The following SLC16A2 variants were observed in gnomAD, a reference collection of about 807,000 sequenced individuals.
SLC16A2 encodes the protein monocarboxylate transporter 8.
A neutral mutation model predicts 27.2 loss-of-function variants in SLC16A2; 3 were observed. That is an observed-to-expected ratio of 0.11 (90% CI 0.05 to 0.28). The LOEUF (loss-of-function observed/expected upper bound fraction) is 0.28, where lower values mean the gene tolerates loss of function less well. Ranked by LOEUF, SLC16A2 falls within the 10% of genes least tolerant of loss-of-function variation. SLC16A2 has a pLI of 1.00. For missense variants in SLC16A2, 295 were observed against 458.5 expected (o/e 0.64, Z 3.26); for synonymous variants, 202 against 187.8 (o/e 1.08, Z -0.62).
At chrX:74,477,965 T>G (rs751879610) in intron 1 of SLC16A2, among the ~76,000 whole-genome samples, 2 of 112,140 alleles carry the variant, frequency 1.8e-5, no homozygotes, top group East Asian at 5.6e-4. Flanking sequence ...CATATTCTGT[T>G]GATTTGGGTT....
rs56991702 is a variant in SLC16A2 at position 74,427,813 on chromosome X, A to G, written c.430+5746A>G. On this transcript the variant is annotated intron_variant, in intron 1 of 5. Transcript: ENST00000587091. Reference sequence around the variant, plus strand: ...CATGCGCACGCGTGCACGCGCGCGCACACACACACACACACACACACACAC... The same window carrying G: ...CATGCGCACGCGTGCACGCGCGCGCGCACACACACACACACACACACACAC... Among the ~76,000 whole-genome samples, 811 of 45,712 alleles carry G rather than the reference A, an allele frequency of 0.018. 3 individuals carry two copies. The East Asian group carries it at 0.23, about 13-fold the overall frequency. The allele number at this position is 45,712 out of a possible 115,157, so 39.7% of individuals were successfully genotyped here. A position where few individuals can be genotyped will look rare whatever the true frequency, so the allele number is the denominator to read the frequency against.
At position 74,439,890 on chromosome X, in the gene SLC16A2, C is replaced by T. The variant is rs990607094; in HGVS notation, c.430+17823C>T. On this transcript the variant is annotated intron_variant, in intron 1 of 5. Coordinates refer to ENST00000587091, the MANE Select transcript of SLC16A2 (RefSeq NM_006517.5). ...GGTGAGACAAAAAGGAGAAAAGTTA[C>T]GCCCACTTTGAGGCCAACTAGAATT... is the stretch of plus-strand genomic sequence containing the variant. 3.6e-5 allele frequency among the ~76,000 whole-genome samples: 4 copies of T among 111,373 alleles called. No individual in the cohort carries two copies. The Admixed American group carries it at 3.8e-4, about 11-fold the overall frequency.
chrX:74,519,638 C>T (rs1290377509), intron 1 of SLC16A2, among the ~76,000 whole-genome samples: 2 of 100,007 alleles, frequency 2.0e-5, no homozygotes, highest in Admixed American at 2.2e-4. Flanking sequence ...ATGGTGTGAA[C>T]CCAGGAGGCG....
At chrX:74,424,216 G>A (rs1928363751) in intron 1 of SLC16A2, among the ~76,000 whole-genome samples, 1 of 111,227 alleles carries the variant, frequency 9.0e-6, no homozygotes, top group African/African-American at 3.3e-5. Context: ...TATAGGTCAG[G>A]AAGAAACAGA....
intron 1 of SLC16A2, among the ~76,000 whole-genome samples, chrX:74,440,181 G>T (rs758200234): frequency 1.8e-5 from 2 of 111,358 alleles, no homozygotes; most frequent in South Asian, 3.8e-4. Flanking sequence ...AGGGAGTAGG[G>T]TTATCATATC....
chrX:74,477,954 G>A (rs149410880), intron 1 of SLC16A2, among the ~76,000 whole-genome samples: 246 of 112,034 alleles, frequency 2.2e-3, no homozygotes, highest in Middle Eastern at 4.6e-3. Flanking sequence ...TGAAAAGAAC[G>A]CATATTCTGT....
At chrX:74,463,670 G>T (rs1929196286) in intron 1 of SLC16A2, among the ~76,000 whole-genome samples, 1 of 110,679 alleles carries the variant, frequency 9.0e-6, no homozygotes, top group African/African-American at 3.3e-5. Flanking sequence ...GGGACTACAG[G>T]CGCCTGCCAC....
chrX:74,460,669 G>T (rs1929121815), intron 1 of SLC16A2, among the ~76,000 whole-genome samples: 1 of 111,303 alleles, frequency 9.0e-6, no homozygotes, highest in Non-Finnish European at 1.9e-5. Context: ...TTTGTTTTTT[G>T]AGACGGAGTC....
intron 1 of SLC16A2, among the ~76,000 whole-genome samples, chrX:74,439,890 C>A (rs990607094): frequency 1.6e-4 from 18 of 111,428 alleles, no homozygotes; most frequent in African/African-American, 5.9e-4. Flanking sequence ...AGAAAAGTTA[C>A]GCCCACTTTG....
chrX:74,497,449 G>A (rs776663046), intron 1 of SLC16A2, among the ~76,000 whole-genome samples: 27 of 110,342 alleles, frequency 2.4e-4, no homozygotes, highest in Non-Finnish European at 4.3e-4. Context: ...TCTGGGGCTT[G>A]GAGGAGAGCT....
chrX:74,528,216 A>G (rs1930514433), intron 4 of SLC16A2, among the ~76,000 whole-genome samples: 1 of 111,252 alleles, frequency 9.0e-6, no homozygotes, highest in Non-Finnish European at 1.9e-5. Context: ...TGACCCTGGG[A>G]TGACCTGGCT....
intron 1 of SLC16A2, among the ~76,000 whole-genome samples, chrX:74,461,115 G>C (rs907708218): frequency 8.9e-6 from 1 of 111,850 alleles, no homozygotes; most frequent in Admixed American, 9.5e-5. Flanking sequence ...CCTTCTTATG[G>C]AAGATGTTTC....
chrX:74,432,253 G>T (rs964610435), intron 1 of SLC16A2, among the ~76,000 whole-genome samples: 2 of 111,130 alleles, frequency 1.8e-5, no homozygotes, highest in East Asian at 5.7e-4. Context: ...GGGATATTTA[G>T]GGTCAGAAGG....
At chrX:74,440,361 C>T (rs1456251272) in intron 1 of SLC16A2, among the ~76,000 whole-genome samples, 1 of 110,810 alleles carries the variant, frequency 9.0e-6, no homozygotes, top group Admixed American at 9.7e-5. Context: ...ACTATAAGGG[C>T]TCCTCACAAG....
At chrX:74,529,481 C>T (rs771176346) in intron 5 of SLC16A2, 40 bp downstream of exon 5, 5 of 1,011,208 alleles carry the variant, frequency 4.9e-6, no homozygotes, top group African/African-American at 1.9e-5. Flanking sequence ...ATCAGGGAGT[C>T]CTTTTTTCCC....
chrX:74,523,523 T>G (rs780325008), intron 2 of SLC16A2, among the ~76,000 whole-genome samples: 11 of 112,273 alleles, frequency 9.8e-5, no homozygotes, highest in Admixed American at 9.4e-4. Flanking sequence ...TCCTATTGCC[T>G]TTCCCCTTCT....
chrX:74,422,933 C>A (rs957872906), intron 1 of SLC16A2, among the ~76,000 whole-genome samples: 1 of 112,802 alleles, frequency 8.9e-6, no homozygotes, highest in Non-Finnish European at 1.9e-5. Context: ...CCTCGTTCGG[C>A]CTACAGCCTG....
At chrX:74,466,405 A>T (rs1929251391) in intron 1 of SLC16A2, among the ~76,000 whole-genome samples, 1 of 111,131 alleles carries the variant, frequency 9.0e-6, no homozygotes, top group South Asian at 3.9e-4. Context: ...GCAGACACCA[A>T]AATCCACAGA....
chrX:74,464,337 TTGTG>T (rs1929212359), intron 1 of SLC16A2, among the ~76,000 whole-genome samples: 1 of 112,148 alleles, frequency 8.9e-6, no homozygotes, highest in Non-Finnish European at 1.9e-5. Context: ...AATGTTGCAT[TTGTG>T]TGTCTCTTTG....
Sources: gnomAD v4.1 joint callset for allele counts (sites outside exome capture counted in the v4.1 genomes callset) on GRCh38, gnomAD v4.1.1 for gene constraint, MANE v1.5 for transcripts, NCBI Gene and HGNC (gene_info 2026-07-23, HGNC 2026-07-21) for gene names.